GSTA2: variants seen among roughly 807,000 people sequenced by gnomAD.
GSTA2 encodes the protein glutathione S-transferase alpha 2.
In GSTA2, 27 loss-of-function variants were observed where a neutral mutation model predicts 22.4. The ratio of observed to expected loss-of-function variants is 1.21; its 90% confidence interval spans 0.89 to 1.67. The LOEUF (loss-of-function observed/expected upper bound fraction) is 1.67, where lower values mean the gene tolerates loss of function less well. GSTA2 is among the 40% of genes most tolerant of loss of function. The pLI, the probability that GSTA2 is intolerant of heterozygous loss-of-function variation, is 0.00. For missense variants in GSTA2, 302 were observed against 260.2 expected (o/e 1.16, Z -1.11); for synonymous variants, 121 against 86.8 (o/e 1.39, Z -2.19).
chr6:52,759,041 C>A (rs1227428619), intron 1 of GSTA2, among the ~76,000 whole-genome samples: 1 of 152,076 alleles, frequency 6.6e-6, no homozygotes, highest in African/African-American at 2.4e-5. Context: ...TAGTGTTTCT[C>A]AAATATGCAT....
At chr6:52,752,093 C>T (rs1336956958) in intron 5 of GSTA2, among the ~76,000 whole-genome samples, 1 of 152,178 alleles carries the variant, frequency 6.6e-6, no homozygotes, top group Non-Finnish European at 1.5e-5. Flanking sequence ...CCGCTCCAAT[C>T]TCCCTTGGGC....
chr6:52,754,508 T>A (rs926365896), intron 4 of GSTA2, among the ~76,000 whole-genome samples: 1 of 152,202 alleles, frequency 6.6e-6, no homozygotes, highest in African/African-American at 2.4e-5. Context: ...TTCCTGTTCA[T>A]CATACTTGGA....
In GSTA2 at chr6:52,750,631, C is replaced by A; in HGVS notation, c.615G>T (p.Lys205Asn). 1 of 1,613,786 alleles carries A rather than the reference C, an allele frequency of 6.2e-7. No homozygotes were observed. The highest frequency in any genetic ancestry group is 8.5e-7 in the Non-Finnish European group (1 of 1,179,858). Residue 205 changes from lysine (K) to asparagine (N), a missense_variant, in exon 7 of 7, where the codon AAG becomes AAT. Transcript: ENST00000493422. ...KKFLQPGSPRKPPMDEKSLEE... is the reference protein window; with the variant it reads ...KKFLQPGSPRNPPMDEKSLEE... The stretch of plus-strand genomic sequence containing the variant: ...CTAAAGATTTCTCATCCATGGGAGG[C>A]TTCCTTGGGCTGCCAGGCTGTAGAA...
At position 52,750,216 on chromosome 6, in the gene GSTA2, G is replaced by C. The variant is rs1561892463; in HGVS notation, c.*361C>G. ...CTCCTGTGCATACCTGAAAATGTCA[G>C]AGGTGCATTTTTACATTGGCATTTT... On this transcript the variant is annotated 3_prime_UTR_variant, in exon 7 of 7. Coordinates refer to ENST00000493422, the MANE Select transcript of GSTA2 (RefSeq NM_000846.5). The C allele has an allele frequency of 5.3e-6, 1 of 190,210 alleles. No individual in the cohort carries two copies. The highest frequency in any genetic ancestry group is 1.1e-5 in the Non-Finnish European group (1 of 91,714). 11.8% of individuals were successfully genotyped at this position (190,210 alleles called of 1,614,324 possible).
At chr6:52,753,034 G>T in intron 4 of GSTA2, 39 bp from the exon 5 acceptor site, 1 of 1,555,766 alleles carries the variant, frequency 6.4e-7, no homozygotes, top group Non-Finnish European at 8.7e-7. Context: ...AATATCTTTT[G>T]CCTTAGATTT....
At position 52,750,585 on chromosome 6, in the gene GSTA2, T is replaced by C. The variant is rs751531867; in HGVS notation, c.661A>G (p.Arg221Gly). ...CCTCTATGGCTGGTTTATTAAAACC[T>C]GAAAATCTTCCTTGATTCTTCTAAA... is the stretch of plus-strand genomic sequence containing the variant. ...KSLEESRKIF[R>G]F Residue 221 changes from arginine to glycine, a missense_variant, in exon 7 of 7, where the codon AGG becomes GGG. Transcript: ENST00000493422. 4 of 1,613,862 alleles carry C rather than the reference T, an allele frequency of 2.5e-6. No homozygotes were observed. Among genetic ancestry groups the C allele is most frequent in the Non-Finnish European group, 3.4e-6 (4 of 1,179,804 alleles).
At chr6:52,757,267 G>T (rs1762861800) in intron 2 of GSTA2, among the ~76,000 whole-genome samples, 1 of 109,166 alleles carries the variant, frequency 9.2e-6, no homozygotes. Flanking sequence ...TTTTTTTATT[G>T]TGGAAATTAT....
chr6:52,755,173 C>A (rs79748698), intron 3 of GSTA2, 98 bp from the exon 4 acceptor site: 4 of 1,483,812 alleles, frequency 2.7e-6, no homozygotes, highest in South Asian at 2.6e-5. Flanking sequence ...ATTTGTAAAA[C>A]GAAAAAGAAA....
intron 5 of GSTA2, 91 bp from the exon 6 acceptor site, chr6:52,751,799 C>A: frequency 3.8e-6 from 6 of 1,585,446 alleles, no homozygotes; most frequent in Non-Finnish European, 5.2e-6. Flanking sequence ...TGACTTTCCC[C>A]ACCTCTGTTG....
At chr6:52,762,832 C>A (rs1397749489) in intron 1 of GSTA2, among the ~76,000 whole-genome samples, 2 of 152,190 alleles carry the variant, frequency 1.3e-5, no homozygotes, top group East Asian at 3.8e-4. Flanking sequence ...GTGGGCAGGA[C>A]AGATCTCCGT....
At chr6:52,761,700 T>G (rs148889701) in intron 1 of GSTA2, among the ~76,000 whole-genome samples, 2 of 150,518 alleles carry the variant, frequency 1.3e-5, no homozygotes, top group African/African-American at 2.4e-5. Flanking sequence ...TGTAGTCCCA[T>G]GGTTCTCAAC....
chr6:52,761,156 T>C (rs142112238), intron 1 of GSTA2, among the ~76,000 whole-genome samples: 2,352 of 152,228 alleles, frequency 0.015, 65 homozygotes, highest in African/African-American at 0.054. Context: ...GTTGAGAAAG[T>C]TAAATGAGAT....
chr6:52,758,138 A>G (rs1243888895), intron 1 of GSTA2, among the ~76,000 whole-genome samples, 161 bp from the exon 2 acceptor site: 1 of 152,134 alleles, frequency 6.6e-6, no homozygotes, highest in Non-Finnish European at 1.5e-5. Flanking sequence ...GGCTCAAATT[A>G]TTACCCAGCA....
intron 1 of GSTA2, among the ~76,000 whole-genome samples, chr6:52,762,861 C>T (rs895486597): frequency 2.6e-5 from 4 of 152,260 alleles, no homozygotes; most frequent in Middle Eastern, 3.4e-3. Context: ...TTACACAGTT[C>T]GCAGCAACAG....
intron 1 of GSTA2, among the ~76,000 whole-genome samples, chr6:52,758,971 A>G (rs897308508): frequency 2.0e-5 from 3 of 152,240 alleles, no homozygotes; most frequent in Non-Finnish European, 4.4e-5. Context: ...AGTAAATGAT[A>G]GATCTGGGAT....
intron 4 of GSTA2, 130 bp from the exon 5 acceptor site, chr6:52,753,125 C>G (rs538448319): frequency 1.3e-6 from 1 of 792,088 alleles, no homozygotes; most frequent in East Asian, 2.7e-5. Flanking sequence ...CTTTTATAGT[C>G]TAGTCATTAT....
At chr6:52,751,778 C>T (rs1762743817) in intron 5 of GSTA2, 70 bp from the exon 6 acceptor site, 2 of 1,609,038 alleles carry the variant, frequency 1.2e-6, no homozygotes, top group Admixed American at 3.3e-5. Flanking sequence ...TCTTTCAGAG[C>T]CTCTCCACCC....
At chr6:52,757,478 A>G (rs1040994535) in intron 2 of GSTA2, among the ~76,000 whole-genome samples, 5 of 151,656 alleles carry the variant, frequency 3.3e-5, no homozygotes, top group South Asian at 2.1e-4. Context: ...CACATTAACT[A>G]TTCTAAAGAC....
chr6:52,760,707 T>C (rs920655279), intron 1 of GSTA2, among the ~76,000 whole-genome samples: 13 of 152,184 alleles, frequency 8.5e-5, no homozygotes, highest in African/African-American at 3.1e-4. Flanking sequence ...CTATTCAATG[T>C]ATATTAGCCA....
Sources: gnomAD v4.1 joint callset for allele counts (sites outside exome capture counted in the v4.1 genomes callset) on GRCh38, gnomAD v4.1.1 for gene constraint, MANE v1.5 for transcripts, NCBI Gene and HGNC (gene_info 2026-07-23, HGNC 2026-07-21) for gene names.